The following LRRIQ1 variants were observed in gnomAD, a reference collection of about 807,000 sequenced individuals.
The protein encoded by LRRIQ1 is leucine-rich repeat- and IQ domain-containing protein 1.
LRRIQ1 carries 210 observed loss-of-function variants against 211.9 expected under a neutral mutation model. The ratio of observed to expected loss-of-function variants is 0.99; its 90% CI spans 0.89 to 1.11. The LOEUF (loss-of-function observed/expected upper bound fraction) is 1.11. LRRIQ1 is among the 50% of genes most tolerant of loss of function. The probability of loss-of-function intolerance (pLI) is 0.00; values close to 1 mark genes in which losing one functional copy is unlikely to be tolerated. For missense variants in LRRIQ1, 2,136 were observed against 1,939.5 expected (o/e 1.10, Z -1.90); for synonymous variants, 699 against 650.1 (o/e 1.08, Z -1.14).
At chr12:85,089,041 A>C (rs1455704869) in intron 11 of LRRIQ1, among the ~76,000 whole-genome samples, 1 of 152,226 alleles carries the variant, frequency 6.6e-6, no homozygotes, top group Non-Finnish European at 1.5e-5. Flanking sequence ...GAATACTTCC[A>C]GTTTTTGCCC....
chr12:85,069,043 A>G (rs1882764211), intron 10 of LRRIQ1, among the ~76,000 whole-genome samples: 1 of 150,494 alleles, frequency 6.6e-6, no homozygotes, highest in African/African-American at 2.4e-5. Flanking sequence ...GCACCCATTA[A>G]CTCGTCATTT....
At chr12:85,116,230 C>T (rs1009206677) in intron 15 of LRRIQ1, among the ~76,000 whole-genome samples, 7 of 152,150 alleles carry the variant, frequency 4.6e-5, no homozygotes, top group Admixed American at 3.3e-4. Flanking sequence ...GCAAGCTCCG[C>T]CTCCCGGGTT....
intron 6 of LRRIQ1, among the ~76,000 whole-genome samples, chr12:85,051,764 C>T (rs1880350831): frequency 6.6e-6 from 1 of 152,064 alleles, no homozygotes; most frequent in Admixed American, 6.5e-5. Context: ...TTGATAAAAA[C>T]TTATTGAAAG....
At chr12:85,065,510 C>T (rs1882341386) in intron 9 of LRRIQ1, 96 bp downstream of exon 9, 1 of 969,338 alleles carries the variant, frequency 1.0e-6, no homozygotes, top group Non-Finnish European at 1.4e-6. Flanking sequence ...GAAACAATTA[C>T]TAAACTAACC....
chr12:85,250,988 T>G (rs1364017137), intron 1 of LRRIQ1, among the ~76,000 whole-genome samples: 1 of 121,830 alleles, frequency 8.2e-6, no homozygotes. Context: ...ATAGATTATA[T>G]ATTATATTAT....
At chr12:85,201,864 T>C (rs1291233388) in intron 24 of LRRIQ1, among the ~76,000 whole-genome samples, 1 of 152,010 alleles carries the variant, frequency 6.6e-6, no homozygotes, top group African/African-American at 2.4e-5. Context: ...CTAGTTCCTC[T>C]AGTTATGGGG....
intron 2 of LRRIQ1, among the ~76,000 whole-genome samples, chr12:85,038,731 A>G (rs2135857475): frequency 6.6e-6 from 1 of 151,710 alleles, no homozygotes; most frequent in African/African-American, 2.4e-5. Context: ...ATTTTCAGGA[A>G]TGTTATGAAA....
At chr12:85,080,213 ATTTTCT>A (rs1332649737) in intron 11 of LRRIQ1, among the ~76,000 whole-genome samples, 1 of 151,734 alleles carries the variant, frequency 6.6e-6, no homozygotes, top group Non-Finnish European at 1.5e-5. Flanking sequence ...TTGAAATATA[ATTTTCT>A]TTTTCCATTT....
intron 7 of LRRIQ1, 100 bp downstream of exon 7, chr12:85,052,351 G>A: frequency 3.5e-6 from 2 of 572,954 alleles, no homozygotes; most frequent in South Asian, 6.7e-5. Flanking sequence ...TGCCTAAGTA[G>A]TATAAGATTT....
intron 26 of LRRIQ1, among the ~76,000 whole-genome samples, chr12:85,238,952 G>A (rs748708246): frequency 7.9e-5 from 12 of 152,018 alleles, no homozygotes; most frequent in South Asian, 2.1e-4. Flanking sequence ...AATATGCTAC[G>A]TTTCTAAATA....
At chr12:85,113,725 C>G (rs902132657) in intron 15 of LRRIQ1, among the ~76,000 whole-genome samples, 2 of 152,080 alleles carry the variant, frequency 1.3e-5, no homozygotes, top group Non-Finnish European at 2.9e-5. Context: ...TGCTAATTCA[C>G]AGTAATTGTC....
intron 15 of LRRIQ1, among the ~76,000 whole-genome samples, chr12:85,108,644 T>C (rs1004584438): frequency 1.1e-4 from 17 of 152,180 alleles, no homozygotes; most frequent in African/African-American, 4.1e-4. Flanking sequence ...CACTGTGGAA[T>C]TGGTGATCAT....
chr12:85,231,033 G>A (rs948703560), intron 25 of LRRIQ1, among the ~76,000 whole-genome samples: 8 of 151,276 alleles, frequency 5.3e-5, no homozygotes, highest in African/African-American at 1.7e-4. Flanking sequence ...GGGCGACAGA[G>A]CCAGACTCCA....
rs889142182 is a variant in LRRIQ1, at chr12:85,066,992, A to G, written c.2695+94A>G. The G allele has an allele frequency of 1.2e-5, 7 of 593,756 alleles. No homozygotes were observed. The South Asian group carries it at 2.7e-4, about 23-fold the overall frequency. The allele number at this position is 593,756 out of a possible 1,614,324, so 36.8% of individuals were successfully genotyped here. On this transcript the variant is annotated intron_variant, in intron 10 of 26. Coordinates refer to ENST00000393217, the MANE Select transcript of LRRIQ1 (RefSeq NM_001079910.2). ...TTTTAGGAGTAGGCCACCATCACAA[A>G]TCTGCATATTTTATTTATGTTATAC...
chr12:85,053,518 CG>C (rs1172414876), intron 7 of LRRIQ1, among the ~76,000 whole-genome samples: 1 of 151,954 alleles, frequency 6.6e-6, no homozygotes, highest in Non-Finnish European at 1.5e-5. Flanking sequence ...AGAAAGAAGA[CG>C]ATTCAAAAAA....
At chr12:85,240,614 G>A (rs1015991719) in intron 26 of LRRIQ1, among the ~76,000 whole-genome samples, 10 of 151,948 alleles carry the variant, frequency 6.6e-5, no homozygotes, top group Non-Finnish European at 7.4e-5. Flanking sequence ...CATTGAATGG[G>A]TAAAATAATA....
chr12:85,122,959 A>G (rs1368661279), intron 16 of LRRIQ1, among the ~76,000 whole-genome samples: 2 of 152,038 alleles, frequency 1.3e-5, no homozygotes, highest in Admixed American at 6.6e-5. Flanking sequence ...TTATTTTAGC[A>G]TTGAAAATGG....
At chr12:85,145,109 T>A (rs1259353878) in intron 19 of LRRIQ1, among the ~76,000 whole-genome samples, 1 of 151,612 alleles carries the variant, frequency 6.6e-6, no homozygotes, top group Non-Finnish European at 1.5e-5. Flanking sequence ...TATAAAATCT[T>A]CTCAAACTTA....
At chr12:85,259,934 T>C (rs541647875) in intron 1 of LRRIQ1, among the ~76,000 whole-genome samples, 57 of 152,106 alleles carry the variant, frequency 3.7e-4, no homozygotes, top group Admixed American at 2.4e-3. Context: ...GGTAAATTTC[T>C]GTCAATAGAA....
Sources: allele counts gnomAD v4.1 joint callset (sites outside exome capture counted in the v4.1 genomes callset), GRCh38; gene constraint gnomAD v4.1.1; transcripts MANE v1.5; gene names NCBI Gene and HGNC (gene_info 2026-07-23, HGNC 2026-07-21).